The following OPRD1 variants were observed in gnomAD, a reference collection of about 807,000 sequenced individuals.
OPRD1 encodes opioid receptor delta 1.
A neutral mutation model predicts 17.5 loss-of-function variants in OPRD1; 19 were observed. The observed-to-expected ratio is 1.09, with a 90% confidence interval of 0.76 to 1.60. OPRD1 has a LOEUF of 1.60. Among genes scored for constraint, OPRD1 ranks in the 40% most tolerant of loss-of-function variants. The probability of loss-of-function intolerance (pLI) is 0.00; values close to 1 mark genes in which losing one functional copy is unlikely to be tolerated. For missense variants in OPRD1, 483 were observed against 547.2 expected (o/e 0.88, Z 1.17); for synonymous variants, 256 against 240.9 (o/e 1.06, Z -0.58).
intron 1 of OPRD1, among the ~76,000 whole-genome samples, chr1:28,822,950 T>C (rs759504459): frequency 1.3e-5 from 2 of 152,022 alleles, no homozygotes; most frequent in African/African-American, 2.4e-5. Context: ...CGGAATGTCA[T>C]AACATGCACA....
At position 28,863,441 on chromosome 1, in the gene OPRD1, C is replaced by A; in HGVS notation, c.*158C>A. ...CTGTTTCGGAGACGGGACCGGGCCG[C>A]TAGATGGGCATGGGGTGGGCCTCTG... On this transcript the variant is annotated 3_prime_UTR_variant, in exon 3 of 3. Transcript: ENST00000234961. 1 of 822,992 alleles carries A rather than the reference C, an allele frequency of 1.2e-6. No individual in the cohort carries two copies. The highest frequency in any genetic ancestry group is 1.8e-6 in the Non-Finnish European group (1 of 571,310). 51.0% of individuals were successfully genotyped at this position (822,992 alleles called of 1,614,324 possible). A position where few individuals can be genotyped will look rare whatever the true frequency, so the allele number is the denominator to read the frequency against.
At chr1:28,819,317 C>A (rs2088693735) in intron 1 of OPRD1, among the ~76,000 whole-genome samples, 1 of 151,982 alleles carries the variant, frequency 6.6e-6, no homozygotes, top group Admixed American at 6.6e-5. Context: ...CAGGAGGAGG[C>A]TGGGCTAGAT....
intron 1 of OPRD1, among the ~76,000 whole-genome samples, chr1:28,853,649 C>A (rs1262686124): frequency 6.6e-6 from 1 of 152,036 alleles, no homozygotes; most frequent in Non-Finnish European, 1.5e-5. Context: ...AATAAGAGAG[C>A]AAGGATGGGT....
rs753777054 is a variant in OPRD1 at position 28,863,494 on chromosome 1, A to G, written c.*211A>G. ...TTGGGGCGAGGCAGAGGACAGATCA[A>G]TGGCGCAGTGCCTCTGGTCTGGGTG... On this transcript the variant is annotated 3_prime_UTR_variant, in exon 3 of 3. Transcript: ENST00000234961. 3.8e-6 allele frequency: 2 copies of G among 520,920 alleles called. No individual in the cohort carries two copies. Among genetic ancestry groups the G allele is most frequent in the Non-Finnish European group, 6.4e-6 (2 of 312,416 alleles). 32.3% of individuals were successfully genotyped at this position (520,920 alleles called of 1,614,324 possible). A position where few individuals can be genotyped will look rare whatever the true frequency, so the allele number is the denominator to read the frequency against.
At chr1:28,815,872 C>T (rs1451622431) in intron 1 of OPRD1, among the ~76,000 whole-genome samples, 1 of 152,108 alleles carries the variant, frequency 6.6e-6, no homozygotes, top group Non-Finnish European at 1.5e-5. Context: ...GGAAGGAAAG[C>T]CGGGTGGTGT....
chr1:28,815,315 A>C (rs1385371644), intron 1 of OPRD1, among the ~76,000 whole-genome samples: 4 of 152,102 alleles, frequency 2.6e-5, no homozygotes, highest in Non-Finnish European at 5.9e-5. Context: ...CATGTTGCCT[A>C]GGCTGGTGTC....
Position 28,867,631 on chromosome 1 carries a change from T to G in OPRD1, c.*4348T>G, listed in dbSNP as rs2089186927. 1 of 152,284 alleles carries G rather than the reference T, an allele frequency of 6.6e-6. No individual in the cohort carries two copies. Among genetic ancestry groups the G allele is most frequent in the Admixed American group, 6.6e-5 (1 of 15,264 alleles). The allele number at this position is 152,284 out of a possible 1,614,324, so 9.4% of individuals were successfully genotyped here. On this transcript the variant is annotated 3_prime_UTR_variant, in exon 3 of 3. Coordinates refer to ENST00000234961, the MANE Select transcript of OPRD1 (RefSeq NM_000911.4). ...TACTGGGTTTACAGGTGTGAGCCAC[T>G]GTGCCCAGCTCTCATACCTCGTCTT...
rs2089209317 is a variant in OPRD1, at chr1:28,870,643, G to A, written c.*7360G>A. 6.6e-6 allele frequency: 1 copy of A among 152,246 alleles called. No homozygotes were observed. Among genetic ancestry groups the A allele is most frequent in the African/African-American group, 2.4e-5 (1 of 41,452 alleles). 9.4% of individuals were successfully genotyped at this position (152,246 alleles called of 1,614,324 possible). Reference sequence around the variant, plus strand: ...AAGGTGGGACAACATGTGCTGGAAAGCAGTTCTTAAGAGGACATCTTTTCC... The same window carrying A: ...AAGGTGGGACAACATGTGCTGGAAAACAGTTCTTAAGAGGACATCTTTTCC... On this transcript the variant is annotated 3_prime_UTR_variant, in exon 3 of 3. Coordinates refer to ENST00000234961, the MANE Select transcript of OPRD1 (RefSeq NM_000911.4).
At chr1:28,836,466 C>T (rs967711415) in intron 1 of OPRD1, among the ~76,000 whole-genome samples, 3 of 150,668 alleles carry the variant, frequency 2.0e-5, no homozygotes, top group South Asian at 2.1e-4. Context: ...GCCGAGATCG[C>T]GCCACTACAC....
rs59661211 is a variant in OPRD1 at position 28,860,897 on chromosome 1, C to T, written c.577+1594C>T. Among the ~76,000 whole-genome samples, 162 of 152,268 alleles carry T rather than the reference C, an allele frequency of 1.1e-3. 1 individual carries two copies. Among genetic ancestry groups the T allele is most frequent in the African/African-American group, 3.0e-3 (123 of 41,552 alleles). On this transcript the variant is annotated intron_variant, in intron 2 of 2. Transcript: ENST00000234961. ...CTTTTATAGCCTGTGAGCCATTGGC[C>T]TTGACTCACAGCAGAGCCCCATTCC...
intron 1 of OPRD1, among the ~76,000 whole-genome samples, chr1:28,844,029 A>G (rs1404346447): frequency 6.6e-6 from 1 of 152,218 alleles, no homozygotes; most frequent in East Asian, 1.9e-4. Context: ...TGGATTGATC[A>G]TAAGAGGCAA....
At chr1:28,816,137 A>G (rs2088670131) in intron 1 of OPRD1, among the ~76,000 whole-genome samples, 1 of 152,194 alleles carries the variant, frequency 6.6e-6, no homozygotes, top group Admixed American at 6.5e-5. Context: ...ACAACATTCT[A>G]CATGCTCTGT....
intron 2 of OPRD1, 57 bp downstream of exon 2, chr1:28,859,360 G>T (rs746780720): frequency 2.7e-6 from 4 of 1,458,348 alleles, no homozygotes; most frequent in Non-Finnish European, 3.7e-6. Context: ...CAGTACATGG[G>T]CCTTTGTGGG....
chr1:28,821,586 C>T (rs751656026), intron 1 of OPRD1, among the ~76,000 whole-genome samples: 3 of 152,220 alleles, frequency 2.0e-5, no homozygotes, highest in East Asian at 1.9e-4. Context: ...AAGTCATGAT[C>T]GCATTGCATG....
chr1:28,858,845 C>A, intron 1 of OPRD1, 109 bp from the exon 2 acceptor site: 1 of 1,082,018 alleles, frequency 9.2e-7, no homozygotes, highest in Non-Finnish European at 1.4e-6. Context: ...CATGCCTAGC[C>A]TCCCCTGACC....
At chr1:28,825,488 C>T (rs1286571461) in intron 1 of OPRD1, among the ~76,000 whole-genome samples, 1 of 152,028 alleles carries the variant, frequency 6.6e-6, no homozygotes, top group Admixed American at 6.6e-5. Context: ...CGGGTTCAAG[C>T]GATTCTCCTG....
At chr1:28,854,314 A>G (rs1432310526) in intron 1 of OPRD1, among the ~76,000 whole-genome samples, 1 of 151,334 alleles carries the variant, frequency 6.6e-6, no homozygotes, top group African/African-American at 2.4e-5. Context: ...GCAGCCTCCA[A>G]CTCCCAGGAT....
At position 28,863,426 on chromosome 1, in the gene OPRD1, G is replaced by C; in HGVS notation, c.*143G>C. ...CGCCAGATGGGGCCTCTGTTTCGGA[G>C]ACGGGACCGGGCCGCTAGATGGGCA... On this transcript the variant is annotated 3_prime_UTR_variant, in exon 3 of 3. Coordinates refer to ENST00000234961, the MANE Select transcript of OPRD1 (RefSeq NM_000911.4). 3.1e-6 allele frequency: 3 copies of C among 974,682 alleles called. No individual in the cohort carries two copies. The highest frequency in any genetic ancestry group is 4.1e-5 in the South Asian group (2 of 49,244). The allele number at this position is 974,682 out of a possible 1,614,324, so 60.4% of individuals were successfully genotyped here. A position where few individuals can be genotyped will look rare whatever the true frequency, so the allele number is the denominator to read the frequency against.
chr1:28,847,285 C>G (rs1306704888), intron 1 of OPRD1, among the ~76,000 whole-genome samples: 1 of 152,138 alleles, frequency 6.6e-6, no homozygotes, highest in Non-Finnish European at 1.5e-5. Context: ...CTCCTGACTT[C>G]AGGTGATCTG....
Sources: gnomAD v4.1 joint callset for allele counts (sites outside exome capture counted in the v4.1 genomes callset) on GRCh38, gnomAD v4.1.1 for gene constraint, MANE v1.5 for transcripts, NCBI Gene and HGNC (gene_info 2026-07-23, HGNC 2026-07-21) for gene names.